Variants in KIAA1958 observed in about 807,000 individuals in gnomAD.
KIAA1958 encodes the protein KIAA1958, also known as uncharacterized protein KIAA1958.
In KIAA1958, 14 loss-of-function variants were observed where a neutral mutation model predicts 47.2. The observed-to-expected ratio is 0.30, with a 90% confidence interval of 0.20 to 0.46. The LOEUF is 0.46. Among genes scored for constraint, KIAA1958 ranks in the 20% least tolerant of loss-of-function variants. The pLI is 1.00. For synonymous variants in KIAA1958, 354 were observed against 353.3 expected, an observed-to-expected ratio of 1.00 and a Z score of -0.02; for missense variants, 803 against 909.2, an observed-to-expected ratio of 0.88 and a Z score of 1.50.
intron 1 of KIAA1958, among the ~76,000 whole-genome samples, chr9:112,535,317 TGTAA>T: frequency 6.6e-6 from 1 of 152,316 alleles, no homozygotes; most frequent in East Asian, 1.9e-4. Context: ...AGATTCCACA[TGTAA>T]GTGAGACCAT....
chr9:112,569,222 C>G (rs1835487870), intron 1 of KIAA1958, among the ~76,000 whole-genome samples: 1 of 152,100 alleles, frequency 6.6e-6, no homozygotes, highest in South Asian at 2.1e-4. Context: ...TATTAAATTT[C>G]CCCGTTTTCT....
rs572863660 is a variant in KIAA1958 at position 112,494,757 on chromosome 9, C to T, written c.-25+7639C>T. ...TGCTGGGATTACAGGTGTGAGCCACCGTATCTGGTGGTACCTATCTATTAA... is the reference window on the plus strand; with the variant it reads ...TGCTGGGATTACAGGTGTGAGCCACTGTATCTGGTGGTACCTATCTATTAA... On this transcript the variant is annotated intron_variant, in intron 1 of 3. Transcript: ENST00000337530. Among the ~76,000 whole-genome samples the T allele has an allele frequency of 5.9e-5, 9 of 152,054 alleles. No individual in the cohort carries two copies. In the South Asian group the frequency reaches 6.3e-4, roughly 11 times the overall value.
At position 112,659,424 on chromosome 9, in the gene KIAA1958, C is replaced by T. The variant is rs755847222; in HGVS notation, c.1506C>T (p.Thr502=). ...AGVGFSITSS[T]FSSSTKKLKE... Reference sequence around the variant, plus strand: ...TCGGCTTTTCCATCACCAGCAGCACCTTCAGCTCCTCCACCAAGAAACTCA... The same window carrying T: ...TCGGCTTTTCCATCACCAGCAGCACTTTCAGCTCCTCCACCAAGAAACTCA... The change falls in exon 4 of 4, where the codon ACC becomes ACT. Residue 502 remains threonine (T), a synonymous_variant. Transcript: ENST00000337530. 6.2e-6 allele frequency: 10 copies of T among 1,614,034 alleles called. No homozygotes were observed. The East Asian group carries it at 1.8e-4, about 29-fold the overall frequency.
At chr9:112,560,669 A>G (rs967812350) in intron 1 of KIAA1958, among the ~76,000 whole-genome samples, 3 of 152,242 alleles carry the variant, frequency 2.0e-5, no homozygotes, top group Non-Finnish European at 4.4e-5. Flanking sequence ...TCAGTTTCTC[A>G]AAGAGCTGGT....
At chr9:112,536,555 A>G (rs921932924) in intron 1 of KIAA1958, among the ~76,000 whole-genome samples, 1 of 152,168 alleles carries the variant, frequency 6.6e-6, no homozygotes, top group African/African-American at 2.4e-5. Flanking sequence ...AAGTCCAGAA[A>G]CAGACCCACA....
intron 1 of KIAA1958, among the ~76,000 whole-genome samples, chr9:112,559,738 A>G (rs746179404): frequency 5.9e-5 from 9 of 152,226 alleles, no homozygotes; most frequent in Non-Finnish European, 1.0e-4. Flanking sequence ...GTTAAAGGCA[A>G]TTAAAAATGT....
chr9:112,614,129 C>G (rs1235910352), intron 2 of KIAA1958, among the ~76,000 whole-genome samples: 2 of 152,084 alleles, frequency 1.3e-5, no homozygotes, highest in African/African-American at 4.8e-5. Flanking sequence ...GTTCACAAAC[C>G]ATAATGTTGA....
At position 112,661,685 on chromosome 9, in the gene KIAA1958, CTG is replaced by C. The variant is rs1478501197; in HGVS notation, c.*1619_*1620del. The stretch of plus-strand genomic sequence containing the variant: ...TTTAATGTTATTCCCTTTTTAGTCA[CTG>C]TGCATTTATAAGTTTGTTTACTAGT... On this transcript the variant is annotated 3_prime_UTR_variant, in exon 4 of 4. Transcript: ENST00000337530. 1 of 152,204 alleles carries C rather than the reference CTG, an allele frequency of 6.6e-6. No individual in the cohort carries two copies. Among genetic ancestry groups the C allele is most frequent in the African/African-American group, 2.4e-5 (1 of 41,452 alleles). The allele number at this position is 152,204 out of a possible 1,614,324, so 9.4% of individuals were successfully genotyped here.
chr9:112,502,490 G>T (rs893483710), intron 1 of KIAA1958, among the ~76,000 whole-genome samples: 15 of 152,280 alleles, frequency 9.9e-5, no homozygotes, highest in Non-Finnish European at 2.2e-4. Context: ...CAAAGTAATT[G>T]TATCAGTTTA....
chr9:112,530,105 A>G (rs954786225), intron 1 of KIAA1958, among the ~76,000 whole-genome samples: 1 of 152,182 alleles, frequency 6.6e-6, no homozygotes, highest in African/African-American at 2.4e-5. Context: ...GGCCTCCCAA[A>G]GTGCTGGGAT....
chr9:112,544,106 A>C (rs1022712465), intron 1 of KIAA1958, among the ~76,000 whole-genome samples: 2 of 151,982 alleles, frequency 1.3e-5, no homozygotes, highest in African/African-American at 4.8e-5. Context: ...TTGTGCACTA[A>C]AATCCTCTTT....
intron 1 of KIAA1958, among the ~76,000 whole-genome samples, chr9:112,499,644 A>T (rs1258213294): frequency 3.3e-5 from 5 of 151,348 alleles, no homozygotes; most frequent in Middle Eastern, 3.4e-3. Context: ...TTTCTGGTAG[A>T]TAAAAGTCTT....
chr9:112,540,139 C>T (rs1438725272), intron 1 of KIAA1958, among the ~76,000 whole-genome samples: 1 of 152,002 alleles, frequency 6.6e-6, no homozygotes, highest in Non-Finnish European at 1.5e-5. Flanking sequence ...AAAATAGTGA[C>T]ATATGAGCAT....
chr9:112,588,180 A>G (rs1387909938), intron 2 of KIAA1958, among the ~76,000 whole-genome samples: 3 of 152,132 alleles, frequency 2.0e-5, no homozygotes, highest in Non-Finnish European at 1.5e-5. Flanking sequence ...TGCTTTATCC[A>G]TAGGTTGATT....
At chr9:112,650,762 A>C (rs1234888976) in intron 3 of KIAA1958, among the ~76,000 whole-genome samples, 1 of 152,182 alleles carries the variant, frequency 6.6e-6, no homozygotes, top group Non-Finnish European at 1.5e-5. Flanking sequence ...GGATTTTTTA[A>C]AAAAGCAAGG....
chr9:112,607,749 C>CA (rs367932637), intron 2 of KIAA1958, among the ~76,000 whole-genome samples: 70,039 of 118,704 alleles, frequency 0.59, 21,225 homozygotes, highest in East Asian at 0.68. Flanking sequence ...ATATCCAAGA[C>CA]AAAAAAAAAA....
At chr9:112,510,533 C>T (rs943274702) in intron 1 of KIAA1958, among the ~76,000 whole-genome samples, 3 of 152,190 alleles carry the variant, frequency 2.0e-5, no homozygotes, top group Non-Finnish European at 4.4e-5. Context: ...GCCTGCCACT[C>T]CTGGTCCCTG....
chr9:112,640,920 A>G (rs1836879372), intron 2 of KIAA1958, among the ~76,000 whole-genome samples: 1 of 152,120 alleles, frequency 6.6e-6, no homozygotes, highest in Admixed American at 6.5e-5. Context: ...CTTTTGCTAG[A>G]TAGATTGCAG....
Position 112,659,743 on chromosome 9 carries a change from T to A in KIAA1958, c.1825T>A (p.Ser609Thr). The A allele has an allele frequency of 6.2e-7, 1 of 1,614,088 alleles. No homozygotes were observed. Among genetic ancestry groups the A allele is most frequent in the Middle Eastern group, 1.6e-4 (1 of 6,062 alleles). ...CGTCAAGCGGGAGAGTCGGAGCGGC[T>A]CCACCAGAGTGTGTCACGGGAAGAT... ...DSVKRESRSG[S>T]TRVCHGKIYH... Residue 609 changes from serine to threonine, a missense_variant, in exon 4 of 4, where the codon TCC becomes ACC. Coordinates refer to ENST00000337530, the MANE Select transcript of KIAA1958 (RefSeq NM_133465.4).
Sources: gnomAD v4.1 joint callset for allele counts (sites outside exome capture counted in the v4.1 genomes callset) on GRCh38, gnomAD v4.1.1 for gene constraint, MANE v1.5 for transcripts, NCBI Gene and HGNC (gene_info 2026-07-23, HGNC 2026-07-21) for gene names.